Variants in MED25 observed in about 807,000 individuals in gnomAD.
The protein encoded by MED25 is mediator of RNA polymerase II transcription subunit 25.
MED25 carries 62 observed loss-of-function variants against 89.4 expected under a neutral mutation model. That is an observed-to-expected ratio of 0.69 (90% CI 0.57 to 0.86). The LOEUF (loss-of-function observed/expected upper bound fraction) is 0.86. Ranked by LOEUF, MED25 falls within the 40% of genes least tolerant of loss-of-function variation. MED25 has a pLI of 0.00. For missense variants in MED25, 905 were observed against 1,005.2 expected, an observed-to-expected ratio of 0.90 and a Z score of 1.35; for synonymous variants, 449 against 427.9, an observed-to-expected ratio of 1.05 and a Z score of -0.61.
At position 49,830,134 on chromosome 19, in the gene MED25, C is replaced by A. The variant is rs774587834; in HGVS notation, c.735C>A (p.Val245=). 1 of 1,606,546 alleles carries A rather than the reference C, an allele frequency of 6.2e-7. No homozygotes were observed. Among genetic ancestry groups the A allele is most frequent in the South Asian group, 1.1e-5 (1 of 90,928 alleles). Residue 245 remains valine, a synonymous_variant, in exon 7 of 18, where the codon GTC becomes GTA. Transcript: ENST00000312865. The surrounding 1 kb of genome is among the most constrained non-coding windows in gnomAD (Gnocchi z 4.6). The stretch of plus-strand genomic sequence containing the variant: ...GCCCCCTCCAGTCAAAGCAGCCAGT[C>A]CCCCTGCCTCCCGCCGCACCCTCAG... ...APGPLQSKQP[V]PLPPAAPSGA...
chr19:49,835,512 C>A lies in MED25; in HGVS notation c.1675-22C>A. On this transcript the variant is annotated intron_variant, in intron 14 of 17. Coordinates refer to ENST00000312865, the MANE Select transcript of MED25 (RefSeq NM_030973.4). The surrounding 1 kb of genome is among the most constrained non-coding windows in gnomAD (Gnocchi z 6.2). ...GATGCCACCACCCTCAGTTACTGAC[C>A]TGCCCCTCTCTCCCCGTGCAGATGG... 6.5e-7 allele frequency: 1 copy of A among 1,529,960 alleles called. No individual in the cohort carries two copies. The allele number at this position is 1,529,960 out of a possible 1,614,324, so 94.8% of individuals were successfully genotyped here.
chr19:49,827,507 C>T (rs1437843471), intron 3 of MED25, among the ~76,000 whole-genome samples: 6 of 152,158 alleles, frequency 3.9e-5, no homozygotes, highest in Non-Finnish European at 7.3e-5. Context: ...CACCCGTCCT[C>T]ACATGGCCTC....
downstream of MED25, chr19:49,838,414 C>T (rs889517117): frequency 1.4e-5 from 5 of 368,110 alleles, no homozygotes; most frequent in African/African-American, 1.1e-4. Flanking sequence ...TGCCCCTCTC[C>T]ATGGGGCGTG....
At position 49,829,779 on chromosome 19, in the gene MED25, C is replaced by T. The variant is rs1441319492; in HGVS notation, c.526-7C>T. On this transcript the variant is annotated splice_region_variant and splice_polypyrimidine_tract_variant and intron_variant, in intron 5 of 17. Coordinates refer to ENST00000312865, the MANE Select transcript of MED25 (RefSeq NM_030973.4). This position sits in a 1 kb window ranked among gnomAD's most constrained non-coding sequence, Gnocchi z 4.6. The stretch of plus-strand genomic sequence containing the variant: ...CCCGTCATGACTGCTCGGCCCCTCT[C>T]CTACAGCGGGGGATCCACTTCTCCA... 1.9e-6 allele frequency: 3 copies of T among 1,583,270 alleles called. No individual in the cohort carries two copies. Among genetic ancestry groups the T allele is most frequent in the Non-Finnish European group, 1.7e-6 (2 of 1,164,936 alleles).
chr19:49,836,968 C>T lies in MED25; in HGVS notation c.*24C>T, dbSNP rs768858368. 4 of 1,577,078 alleles carry T rather than the reference C, an allele frequency of 2.5e-6. No homozygotes were observed. Among genetic ancestry groups the T allele is most frequent in the Non-Finnish European group, 3.5e-6 (4 of 1,150,078 alleles). ...GAATCCCCAACACCCAATAAAGTTCCTTTTTAACACACGCCCCGGCTCCCG... is the reference window on the plus strand; with the variant it reads ...GAATCCCCAACACCCAATAAAGTTCTTTTTTAACACACGCCCCGGCTCCCG... On this transcript the variant is annotated 3_prime_UTR_variant, in exon 18 of 18. Transcript: ENST00000312865. The surrounding 1 kb of genome is among the most constrained non-coding windows in gnomAD (Gnocchi z 5.1).
chr19:49,835,772 G>A lies in MED25; in HGVS notation c.1792G>A (p.Ala598Thr). ...GCCCCAGCCTCAGGGTACCGTAGGG[G>A]CCTCTGGGGCCACGGGGCAGCCCCA... ...PQPQPQGTVG[A>T]SGATGQPQPQ... The change falls in exon 16 of 18, where the codon GCC becomes ACC. Residue 598 changes from alanine to threonine, a missense_variant. Ala to Thr is a moderately conservative substitution (Grantham distance 58, BLOSUM62 0). Around this residue, in one of 3 missense-constraint regions of MED25, gnomAD observed 271 missense variants for 258.1 expected, o/e 1.05. Transcript: ENST00000312865. The surrounding 1 kb of genome is among the most constrained non-coding windows in gnomAD (Gnocchi z 6.2). 1 of 1,608,554 alleles carries A rather than the reference G, an allele frequency of 6.2e-7. No homozygotes were observed. The highest frequency in any genetic ancestry group is 8.5e-7 in the Non-Finnish European group (1 of 1,176,884).
Position 49,835,384 on chromosome 19 carries a change from T to G in MED25, c.1675-150T>G. 1.1e-6 allele frequency: 1 copy of G among 945,976 alleles called. No individual in the cohort carries two copies. The highest frequency in any genetic ancestry group is 2.2e-5 in the Admixed American group (1 of 44,848). 58.6% of individuals were successfully genotyped at this position (945,976 alleles called of 1,614,324 possible). On this transcript the variant is annotated intron_variant, in intron 14 of 17. Coordinates refer to ENST00000312865, the MANE Select transcript of MED25 (RefSeq NM_030973.4). The surrounding 1 kb of genome is among the most constrained non-coding windows in gnomAD (Gnocchi z 6.2). ...TGACACAGCTTCCTCCTGGAGACCT[T>G]GGAGTGTACGGCATCCCTCCCAGAC...
At chr19:49,828,867 T>A in intron 4 of MED25, 103 bp from the exon 5 acceptor site, 1 of 1,565,668 alleles carries the variant, frequency 6.4e-7, no homozygotes, top group Admixed American at 1.9e-5. Context: ...TGCTTCTGAT[T>A]CCATGTGAGG....
intron 3 of MED25, among the ~76,000 whole-genome samples, chr19:49,827,630 A>G (rs2074024460): frequency 6.6e-6 from 1 of 152,064 alleles, no homozygotes; most frequent in African/African-American, 2.4e-5. Flanking sequence ...ATTTAACTCG[A>G]TTACCTGTGT....
chr19:49,836,423 G>T lies in MED25; in HGVS notation c.2146+17G>T, dbSNP rs561588731. Reference sequence around the variant, plus strand: ...CACTGCCAGGTAAGGGGACCCGGGGGAGGGCAGAGGTCTGGACTGAGTGTC... The same window carrying T: ...CACTGCCAGGTAAGGGGACCCGGGGTAGGGCAGAGGTCTGGACTGAGTGTC... On this transcript the variant is annotated intron_variant, in intron 17 of 17. Transcript: ENST00000312865. This position sits in a 1 kb window ranked among gnomAD's most constrained non-coding sequence, Gnocchi z 5.1. 62 of 1,572,294 alleles carry T rather than the reference G, an allele frequency of 3.9e-5. No homozygotes were observed. In the Middle Eastern group the frequency reaches 1.0e-3, roughly 25 times the overall value.
chr19:49,835,814 C>T lies in MED25; in HGVS notation c.1834C>T (p.Gln612Ter). The T allele has an allele frequency of 6.2e-7, 1 of 1,608,678 alleles. No homozygotes were observed. The highest frequency in any genetic ancestry group is 8.5e-7 in the Non-Finnish European group (1 of 1,176,826). ...TGQPQPQGTA[Q>*]PPPGAPQGPP... is the part of the protein sequence containing the mutation. Reference sequence around the variant, plus strand: ...GCAGCCCCAGCCCCAAGGTACTGCCCAGCCCCCGCCAGGTGCCCCTCAAGG... The same window carrying T: ...GCAGCCCCAGCCCCAAGGTACTGCCTAGCCCCCGCCAGGTGCCCCTCAAGG... Residue 612 changes from glutamine to a stop codon, truncating the protein, a stop_gained, in exon 16 of 18, where the codon CAG becomes TAG. Coordinates refer to ENST00000312865, the MANE Select transcript of MED25 (RefSeq NM_030973.4). LOFTEE classifies it high-confidence loss of function. This position sits in a 1 kb window ranked among gnomAD's most constrained non-coding sequence, Gnocchi z 6.2.
In MED25 at chr19:49,832,340, G is replaced by A; in HGVS notation, c.1407G>A (p.Arg469=). ...TTLGPLFRNS[R]MVQFHFTNKD... ...TGGGCCCTTTGTTCCGGAACTCAAG[G>A]ATGGTCCAGTTCCATTTCACCAACA... The change falls in exon 13 of 18, where the codon AGG becomes AGA. Residue 469 remains arginine (R), a synonymous_variant. Transcript: ENST00000312865. 1.2e-6 allele frequency: 2 copies of A among 1,610,570 alleles called. No individual in the cohort carries two copies. The highest frequency in any genetic ancestry group is 2.2e-5 in the East Asian group (1 of 44,816).
chr19:49,823,636 T>TA (rs751968811), intron 3 of MED25, among the ~76,000 whole-genome samples: 3 of 152,204 alleles, frequency 2.0e-5, no homozygotes, highest in Non-Finnish European at 2.9e-5. Context: ...TAGCGGCCGT[T>TA]ACCTCTGTAT....
Position 49,831,995 on chromosome 19 carries a change from G to C in MED25, c.1290G>C (p.Gln430His). ...AGCTGACGCGGTCACTGCCCTGCCA[G>C]GTCTACGTGAATCATGGCGAGAACC... ...NTKLTRSLPC[Q>H]VYVNHGENLK... The change falls in exon 11 of 18, where the codon CAG becomes CAC. Residue 430 changes from glutamine to histidine, a missense_variant. Around this residue, in one of 3 missense-constraint regions of MED25, gnomAD observed 133 missense variants for 220.2 expected, o/e 0.60. Transcript: ENST00000312865. The surrounding 1 kb of genome is among the most constrained non-coding windows in gnomAD (Gnocchi z 5.0). 1 of 1,614,134 alleles carries C rather than the reference G, an allele frequency of 6.2e-7. No individual in the cohort carries two copies. The highest frequency in any genetic ancestry group is 8.5e-7 in the Non-Finnish European group (1 of 1,180,020).
At position 49,829,209 on chromosome 19, in the gene MED25, C is replaced by A; in HGVS notation, c.525+119C>A. On this transcript the variant is annotated intron_variant, in intron 5 of 17. Coordinates refer to ENST00000312865, the MANE Select transcript of MED25 (RefSeq NM_030973.4). This position sits in a 1 kb window ranked among gnomAD's most constrained non-coding sequence, Gnocchi z 4.6. The stretch of plus-strand genomic sequence containing the variant: ...AGGGAGGAGGCACTGGGGGCCTGGA[C>A]TCTTGGGTCTAAGCGGGGAGGCACT... The A allele has an allele frequency of 1.1e-6, 1 of 878,658 alleles. No individual in the cohort carries two copies. Among genetic ancestry groups the A allele is most frequent in the Non-Finnish European group, 1.8e-6 (1 of 546,914 alleles). 54.4% of individuals were successfully genotyped at this position (878,658 alleles called of 1,614,324 possible).
intron 3 of MED25, among the ~76,000 whole-genome samples, chr19:49,822,921 A>G (rs2073993273): frequency 6.6e-6 from 1 of 151,962 alleles, no homozygotes; most frequent in African/African-American, 2.4e-5. Flanking sequence ...TGCTGGGATT[A>G]CAGGCGTGAG....
chr19:49,840,104 T>C (rs2074123751), downstream of MED25: 1 of 152,052 alleles, frequency 6.6e-6, no homozygotes, highest in Admixed American at 6.6e-5. Flanking sequence ...TCGTTCCCAG[T>C]TGAAGGATTC....
chr19:49,826,004 G>A (rs2074012850), intron 3 of MED25, among the ~76,000 whole-genome samples: 1 of 152,010 alleles, frequency 6.6e-6, no homozygotes, highest in Admixed American at 6.6e-5. Context: ...TCCAGAGTTG[G>A]TTCACCCCAA....
At position 49,830,498 on chromosome 19, in the gene MED25, C is replaced by T. The variant is rs963091265; in HGVS notation, c.820-13C>T. 2.5e-6 allele frequency: 4 copies of T among 1,613,452 alleles called. No homozygotes were observed. The highest frequency in any genetic ancestry group is 3.4e-6 in the Non-Finnish European group (4 of 1,179,572). ...CCTCACCAGTCCCTTCCCTTCTTCCCTTCTACCCACAGGTTCCCGGGAACC... is the reference window on the plus strand; with the variant it reads ...CCTCACCAGTCCCTTCCCTTCTTCCTTTCTACCCACAGGTTCCCGGGAACC... On this transcript the variant is annotated splice_polypyrimidine_tract_variant and intron_variant, in intron 7 of 17. Transcript: ENST00000312865. This position sits in a 1 kb window ranked among gnomAD's most constrained non-coding sequence, Gnocchi z 4.6.
Sources: gnomAD v4.1 joint callset for allele counts (sites outside exome capture counted in the v4.1 genomes callset) on GRCh38, gnomAD v4.1.1 for gene constraint, gnomAD v4.1.1 regional missense constraint, Gnocchi (gnomAD v3.1) non-coding constraint, MANE v1.5 for transcripts, NCBI Gene and HGNC (gene_info 2026-07-23, HGNC 2026-07-21) for gene names.